Variants in RNF43 observed in about 807,000 individuals in gnomAD.
RNF43 encodes ring finger protein 43, also known as E3 ubiquitin-protein ligase RNF43.
RNF43 carries 37 observed loss-of-function variants against 78.4 expected under a neutral mutation model. That is an observed-to-expected ratio of 0.47 (90% CI 0.36 to 0.62). RNF43 has a LOEUF of 0.62. RNF43 is among the 20% of genes least tolerant of loss of function. RNF43 has a pLI of 0.00. For missense variants in RNF43, 774 were observed against 1,007.9 expected, an observed-to-expected ratio of 0.77 and a Z score of 3.14; for synonymous variants, 347 against 395.0, an observed-to-expected ratio of 0.88 and a Z score of 1.44.
chr17:58,360,621 G>A lies in RNF43; in HGVS notation c.849+162C>T, dbSNP rs1972814906. Reference sequence around the variant, plus strand: ...GCTCTTTCACTGGAAGGTCAGAAAAGTGACCAAACTTCAGGCTGGTCCCTG... The same window carrying A: ...GCTCTTTCACTGGAAGGTCAGAAAAATGACCAAACTTCAGGCTGGTCCCTG... On this transcript the variant is annotated intron_variant, in intron 7 of 9. Coordinates refer to ENST00000407977, the MANE Select transcript of RNF43 (RefSeq NM_017763.6). This position sits in a 1 kb window ranked among gnomAD's most constrained non-coding sequence, Gnocchi z 4.3. 6.6e-6 allele frequency among the ~76,000 whole-genome samples: 1 copy of A among 152,222 alleles called. No individual in the cohort carries two copies. The highest frequency in any genetic ancestry group is 2.4e-5 in the African/African-American group (1 of 41,436).
intron 2 of RNF43, among the ~76,000 whole-genome samples, chr17:58,391,244 T>C (rs1439375982): frequency 1.3e-5 from 2 of 152,138 alleles, no homozygotes; most frequent in Non-Finnish European, 2.9e-5. Context: ...GCTGGAAAAT[T>C]GAGCTGAAAA....
chr17:58,405,068 C>CTTT (rs35147601), intron 2 of RNF43, among the ~76,000 whole-genome samples: 38 of 79,604 alleles, frequency 4.8e-4, no homozygotes, highest in Non-Finnish European at 7.2e-4. Context: ...TGTAGTACTT[C>CTTT]TTTTTTTTTT....
At chr17:58,383,994 G>T (rs1460966801) in intron 2 of RNF43, among the ~76,000 whole-genome samples, 1 of 152,150 alleles carries the variant, frequency 6.6e-6, no homozygotes, top group Non-Finnish European at 1.5e-5. Flanking sequence ...CTTCCCGGCA[G>T]CTTGATCAGC....
rs115435240 is a variant in RNF43, at chr17:58,356,295, C to T, written c.2308+1173G>A. Among the ~76,000 whole-genome samples the T allele has an allele frequency of 5.3e-3, 811 of 152,284 alleles. 6 individuals are homozygous for T. Among genetic ancestry groups the T allele is most frequent in the African/African-American group, 0.018 (753 of 41,542 alleles). ...GGATGAGGGCAGCTCCTAGGTCCTG[C>T]AGGAAGAATTCCTACACTGAAGAAT... On this transcript the variant is annotated intron_variant, in intron 9 of 9. Coordinates refer to ENST00000407977, the MANE Select transcript of RNF43 (RefSeq NM_017763.6).
At chr17:58,387,956 A>T (rs1346407074) in intron 2 of RNF43, among the ~76,000 whole-genome samples, 1 of 152,090 alleles carries the variant, frequency 6.6e-6, no homozygotes, top group African/African-American at 2.4e-5. Context: ...CACCAACCAC[A>T]GGTGCATCAA....
rs758297561 is a variant in RNF43, at chr17:58,371,043, G to A, written c.253-10C>T. On this transcript the variant is annotated splice_polypyrimidine_tract_variant and intron_variant, in intron 2 of 9. Transcript: ENST00000407977. ...GGTACAGCGGGTGGGACTGCAGAGA[G>A]AGACAGACTTGGGTTAGGGAGGCTT... 1.3e-6 allele frequency: 2 copies of A among 1,566,942 alleles called. No homozygotes were observed. Among genetic ancestry groups the A allele is most frequent in the African/African-American group, 2.7e-5 (2 of 74,086 alleles).
intron 3 of RNF43, 76 bp downstream of exon 3, chr17:58,370,835 A>T (rs576926594): frequency 7.1e-7 from 1 of 1,408,952 alleles, no homozygotes; most frequent in East Asian, 2.5e-5. Context: ...ACATGGGGAC[A>T]AGAGAGCACA....
chr17:58,391,547 G>A (rs942401173), intron 2 of RNF43, among the ~76,000 whole-genome samples: 3 of 152,206 alleles, frequency 2.0e-5, no homozygotes, highest in Non-Finnish European at 4.4e-5. Flanking sequence ...AACGCTGGAC[G>A]CCCTGGCTTC....
In RNF43 at chr17:58,362,557, C is replaced by T. The variant is rs367688879; in HGVS notation, c.674G>A (p.Arg225His). ...CACACTGCTCACCGGCCTGCTGTGG[C>T]GGGGGCGGCACCGGATGCGCAGCAC... ...ASVLRIRCRP[R>H]HSRPDPLQQR... Residue 225 changes from arginine (R) to histidine (H), a missense_variant, in exon 6 of 10, where the codon CGC (arginine) becomes CAC (histidine). Physicochemically the swap from Arg to His is conservative, Grantham distance 29 (BLOSUM62 0). Coordinates refer to ENST00000407977, the MANE Select transcript of RNF43 (RefSeq NM_017763.6). 8.8e-5 allele frequency: 141 copies of T among 1,604,666 alleles called. 1 individual carries two copies. Among genetic ancestry groups the T allele is most frequent in the Middle Eastern group, 8.3e-4 (5 of 6,018 alleles).
chr17:58,372,791 A>G (rs556602768), intron 2 of RNF43, among the ~76,000 whole-genome samples: 1 of 152,330 alleles, frequency 6.6e-6, no homozygotes, highest in African/African-American at 2.4e-5. Context: ...AAGGCTAACT[A>G]GGTATGTGTT....
rs562828978 is a variant in RNF43, at chr17:58,357,686, T to C, written c.2090A>G (p.His697Arg). The C allele has an allele frequency of 9.3e-6, 15 of 1,612,106 alleles. No individual in the cohort carries two copies. In the African/African-American group the frequency reaches 1.3e-4, roughly 14 times the overall value. ...SVAYPWSPEA[H>R]PLICGPPGLD... ...GCCTGGAGGTCCACAGATCAAGGGG[T>C]GTGCCTCTGGGGACCAAGGATATGC... is the stretch of plus-strand genomic sequence containing the variant. Residue 697 changes from histidine to arginine, a missense_variant, in exon 9 of 10, where the codon CAC (histidine) becomes CGC (arginine). By Grantham distance (29) the His-to-Arg change is conservative. Coordinates refer to ENST00000407977, the MANE Select transcript of RNF43 (RefSeq NM_017763.6). The surrounding 1 kb of genome is among the most constrained non-coding windows in gnomAD (Gnocchi z 4.5).
chr17:58,404,045 A>C (rs1273352948), intron 2 of RNF43, among the ~76,000 whole-genome samples: 1 of 152,224 alleles, frequency 6.6e-6, no homozygotes, highest in East Asian at 1.9e-4. Flanking sequence ...ATATTTTAAA[A>C]TATGAAACTC....
chr17:58,362,364 A>G lies in RNF43; in HGVS notation c.687+180T>C, dbSNP rs77181836. On this transcript the variant is annotated intron_variant, in intron 6 of 9. Coordinates refer to ENST00000407977, the MANE Select transcript of RNF43 (RefSeq NM_017763.6). The stretch of plus-strand genomic sequence containing the variant: ...TAATAGAGCTTGGTGTATTTGTTGA[A>G]TGGATGAGTAATATGAGGAGAGGCT... Among the ~76,000 whole-genome samples the G allele has an allele frequency of 1.6e-4, 25 of 152,260 alleles. No homozygotes were observed. In the East Asian group the frequency reaches 4.1e-3, roughly 25 times the overall value.
rs1972741711 is a variant in RNF43 at position 58,358,210 on chromosome 17, C to T, written c.1566G>A (p.Met522Ile). Residue 522 changes from methionine (M) to isoleucine (I), a missense_variant, in exon 9 of 10, where the codon ATG (methionine) becomes ATA (isoleucine). Transcript: ENST00000407977. This position sits in a 1 kb window ranked among gnomAD's most constrained non-coding sequence, Gnocchi z 6.2. ...GAGGCCGAGAGGTCACACTAGGCTGCATGTCCACTCGCTGGGGATCCCCTT... is the reference window on the plus strand; with the variant it reads ...GAGGCCGAGAGGTCACACTAGGCTGTATGTCCACTCGCTGGGGATCCCCTT... The part of the protein sequence containing the change: ...SPKGDPQRVD[M>I]QPSVTSRPRS... 1 of 1,613,352 alleles carries T rather than the reference C, an allele frequency of 6.2e-7. No homozygotes were observed. The highest frequency in any genetic ancestry group is 8.5e-7 in the Non-Finnish European group (1 of 1,179,566).
chr17:58,379,953 A>C (rs1035390824), intron 2 of RNF43, among the ~76,000 whole-genome samples: 2 of 152,236 alleles, frequency 1.3e-5, no homozygotes, highest in Non-Finnish European at 1.5e-5. Flanking sequence ...TTAGAAGCAA[A>C]GAAGAGGGAG....
At chr17:58,363,005 G>T in intron 5 of RNF43, 1 of 520,660 alleles carries the variant, frequency 1.9e-6, no homozygotes, top group Non-Finnish European at 3.4e-6. Context: ...AGGGGACCAG[G>T]GTTTCATTCT....
intron 2 of RNF43, among the ~76,000 whole-genome samples, chr17:58,413,797 A>C (rs1974071633): frequency 6.6e-6 from 1 of 152,250 alleles, no homozygotes; most frequent in Non-Finnish European, 1.5e-5. Context: ...ACATTATTTT[A>C]TGGAACACAT....
intron 2 of RNF43, chr17:58,395,078 T>C (rs910632470): frequency 2.0e-5 from 3 of 152,204 alleles, no homozygotes; most frequent in Non-Finnish European, 2.9e-5. Context: ...TTTGGACAGA[T>C]TGACAGTATA....
rs1277562569 is a variant in RNF43 at position 58,357,751 on chromosome 17, G to A, written c.2025C>T (p.His675=). 2 of 1,612,986 alleles carry A rather than the reference G, an allele frequency of 1.2e-6. No individual in the cohort carries two copies. Among genetic ancestry groups the A allele is most frequent in the Non-Finnish European group, 1.7e-6 (2 of 1,179,524 alleles). ...PGSRPQDATV[H]PACQIFPHYT... ...AATGGGGAAAAATCTGGCAAGCTGG[G>A]TGCACAGTTGCATCCTGGGGCCGAG... The change falls in exon 9 of 10, where the codon CAC becomes CAT. Residue 675 remains histidine (H), a synonymous_variant. Coordinates refer to ENST00000407977, the MANE Select transcript of RNF43 (RefSeq NM_017763.6). The surrounding 1 kb of genome is among the most constrained non-coding windows in gnomAD (Gnocchi z 4.5).
Sources: allele counts gnomAD v4.1 joint callset (sites outside exome capture counted in the v4.1 genomes callset), GRCh38; gene constraint gnomAD v4.1.1; non-coding constraint Gnocchi (gnomAD v3.1); transcripts MANE v1.5; gene names NCBI Gene and HGNC (gene_info 2026-07-23, HGNC 2026-07-21).